The following PPP2R2B variants were observed in gnomAD, a reference collection of about 807,000 sequenced individuals.
PPP2R2B encodes the protein protein phosphatase 2 regulatory subunit Bbeta.
In PPP2R2B, 5 loss-of-function variants were observed where a neutral mutation model predicts 46.0. The ratio of observed to expected loss-of-function variants is 0.11; its 90% CI spans 0.06 to 0.23. The LOEUF (loss-of-function observed/expected upper bound fraction) is 0.23. PPP2R2B is among the 10% of genes least tolerant of loss of function. The pLI is 1.00. For missense variants in PPP2R2B, 367 were observed against 575.0 expected (o/e 0.64, Z 3.70); for synonymous variants, 215 against 206.7 (o/e 1.04, Z -0.34).
chr5:146,949,394 T>C (rs1764583429), intron 1 of PPP2R2B, among the ~76,000 whole-genome samples: 1 of 152,058 alleles, frequency 6.6e-6, no homozygotes, highest in South Asian at 2.1e-4. Flanking sequence ...AATAGGCATA[T>C]ATAAAAGTGC....
At position 146,808,958 on chromosome 5, in the gene PPP2R2B, G is replaced by GGTGTGT. The variant is rs35023590; in HGVS notation, c.70+69038_70+69043dup. Among the ~76,000 whole-genome samples the GGTGTGT allele has an allele frequency of 4.1e-3, 594 of 146,360 alleles. 1 individual carries two copies. Among genetic ancestry groups the GGTGTGT allele is most frequent in the African/African-American group, 9.4e-3 (361 of 38,444 alleles). ...GGCAGAAATGCCAGCTGCTAACACT[G>GGTGTGT]GTGTGTGTGTGTGTGTGTGTGTGTG... On this transcript the variant is annotated intron_variant, in intron 2 of 9. Coordinates refer to ENST00000394411, the MANE Select transcript of PPP2R2B (RefSeq NM_181675.4).
chr5:146,882,074 G>A (rs560217989), upstream of PPP2R2B, among the ~76,000 whole-genome samples: 54 of 152,058 alleles, frequency 3.6e-4, no homozygotes, highest in African/African-American at 1.3e-3. Flanking sequence ...TCAGGAGATC[G>A]AGGCCATCCT....
chr5:146,712,820 C>G (rs999474981), intron 2 of PPP2R2B, among the ~76,000 whole-genome samples: 2 of 152,042 alleles, frequency 1.3e-5, no homozygotes, highest in African/African-American at 2.4e-5. Flanking sequence ...GCTGTGTTCC[C>G]CTGCTAGAAT....
At chr5:146,712,856 G>C (rs573136702) in intron 2 of PPP2R2B, among the ~76,000 whole-genome samples, 2 of 152,108 alleles carry the variant, frequency 1.3e-5, no homozygotes, top group East Asian at 3.9e-4. Context: ...CAAGATTTAG[G>C]GTTAATTAAT....
intron 2 of PPP2R2B, among the ~76,000 whole-genome samples, chr5:147,076,600 G>T (rs1408984553): frequency 4.6e-5 from 7 of 151,962 alleles, no homozygotes; most frequent in African/African-American, 1.7e-4. Flanking sequence ...ATTATTTAAG[G>T]TTTGTCTTAA....
At chr5:146,644,880 A>T (rs1775473548) in intron 6 of PPP2R2B, among the ~76,000 whole-genome samples, 2 of 152,174 alleles carry the variant, frequency 1.3e-5, no homozygotes, top group Non-Finnish European at 2.9e-5. Flanking sequence ...TTGTGAGGTG[A>T]CTTTCATATG....
intron 2 of PPP2R2B, among the ~76,000 whole-genome samples, chr5:146,772,615 C>T (rs1467348761): frequency 9.9e-5 from 15 of 151,758 alleles, no homozygotes; most frequent in Non-Finnish European, 2.2e-4. Flanking sequence ...GGAATGCATT[C>T]CACTAATGCA....
intron 2 of PPP2R2B, among the ~76,000 whole-genome samples, chr5:146,722,689 T>G (rs542281593): frequency 6.7e-4 from 102 of 152,244 alleles, no homozygotes; most frequent in African/African-American, 2.4e-3. Context: ...GTATAAACAA[T>G]AATGAAAAAG....
chr5:146,629,364 T>A (rs1315559932), intron 7 of PPP2R2B, among the ~76,000 whole-genome samples: 1 of 152,118 alleles, frequency 6.6e-6, no homozygotes, highest in Non-Finnish European at 1.5e-5. Flanking sequence ...TTCCATCACC[T>A]CTTCACTGCC....
At chr5:146,633,767 T>C (rs1774601040) in intron 7 of PPP2R2B, among the ~76,000 whole-genome samples, 1 of 152,162 alleles carries the variant, frequency 6.6e-6, no homozygotes, top group South Asian at 2.1e-4. Context: ...AGAAGCAGCT[T>C]CTGGGGCTCC....
At position 146,765,120 on chromosome 5, in the gene PPP2R2B, A is replaced by T. The variant is rs377497129; in HGVS notation, c.71-63978T>A. 2.0e-4 allele frequency among the ~76,000 whole-genome samples: 31 copies of T among 152,328 alleles called. No individual in the cohort carries two copies. In the East Asian group the frequency reaches 2.1e-3, roughly 10 times the overall value. ...TTTTTTAAGTTCCAAATCAGTGAAGATTTCTTATATGCTATAGAAAATGTG... is the reference window on the plus strand; with the variant it reads ...TTTTTTAAGTTCCAAATCAGTGAAGTTTTCTTATATGCTATAGAAAATGTG... On this transcript the variant is annotated intron_variant, in intron 2 of 9. Coordinates refer to ENST00000394411, the MANE Select transcript of PPP2R2B (RefSeq NM_181675.4).
intron 2 of PPP2R2B, among the ~76,000 whole-genome samples, chr5:146,710,952 T>G (rs967441713): frequency 1.3e-5 from 2 of 152,198 alleles, no homozygotes; most frequent in African/African-American, 2.4e-5. Flanking sequence ...GAAGCTAAAA[T>G]TCCCCATATT....
intron 2 of PPP2R2B, among the ~76,000 whole-genome samples, chr5:146,742,502 T>C (rs913034638): frequency 6.6e-6 from 1 of 152,226 alleles, no homozygotes; most frequent in Non-Finnish European, 1.5e-5. Flanking sequence ...ATATTCACAC[T>C]ATGCATTGAT....
At chr5:146,765,851 C>T (rs1050175468) in intron 2 of PPP2R2B, among the ~76,000 whole-genome samples, 2 of 152,178 alleles carry the variant, frequency 1.3e-5, no homozygotes, top group Non-Finnish European at 2.9e-5. Flanking sequence ...TTAATTAAGT[C>T]ACCCTGACAC....
intron 1 of PPP2R2B, among the ~76,000 whole-genome samples, chr5:146,985,203 TAG>T (rs1241255830): frequency 3.3e-5 from 5 of 151,982 alleles, no homozygotes; most frequent in Admixed American, 3.3e-4. Context: ...GTGTTTTTAG[TAG>T]AGACAGGGTT....
In PPP2R2B at chr5:147,077,683, A is replaced by G. The variant is rs923126906; in HGVS notation, c.50+3376T>C. Among the ~76,000 whole-genome samples the G allele has an allele frequency of 2.6e-5, 4 of 152,314 alleles. 1 individual carries two copies. Among genetic ancestry groups the G allele is most frequent in the African/African-American group, 9.6e-5 (4 of 41,568 alleles). On this transcript the variant is annotated intron_variant, in intron 2 of 10. Transcript: ENST00000394413. ...AAATGACATCTAAGATATGTTGGCC[A>G]GGGAACCTCCATGCCAGTGGCTGTG...
chr5:146,804,133 C>T (rs981481227), intron 2 of PPP2R2B, among the ~76,000 whole-genome samples: 1 of 151,516 alleles, frequency 6.6e-6, no homozygotes, highest in Non-Finnish European at 1.5e-5. Context: ...TGCCACTGCA[C>T]TCCAGCCTGG....
At chr5:146,843,244 T>C (rs754234107) in intron 2 of PPP2R2B, among the ~76,000 whole-genome samples, 8 of 152,202 alleles carry the variant, frequency 5.3e-5, no homozygotes, top group Non-Finnish European at 1.0e-4. Context: ...TCAATTTGGG[T>C]CTTGATTACA....
chr5:146,760,423 G>A (rs886302734), intron 2 of PPP2R2B, among the ~76,000 whole-genome samples: 2 of 152,092 alleles, frequency 1.3e-5, no homozygotes, highest in Admixed American at 6.6e-5. Flanking sequence ...AAGTGTCTTT[G>A]TGGCCACCAT....
Sources: gnomAD v4.1 joint callset for allele counts (sites outside exome capture counted in the v4.1 genomes callset) on GRCh38, gnomAD v4.1.1 for gene constraint, MANE v1.5 for transcripts, NCBI Gene and HGNC (gene_info 2026-07-23, HGNC 2026-07-21) for gene names.